The following ABCC3 variants were observed in gnomAD, a reference collection of about 807,000 sequenced individuals.
The protein encoded by ABCC3 is ATP binding cassette subfamily C member 3.
In ABCC3, 121 loss-of-function variants were observed where a neutral mutation model predicts 165.3. That is an observed-to-expected ratio of 0.73 (90% CI 0.63 to 0.85). The LOEUF is 0.85. ABCC3 is among the 40% of genes least tolerant of loss of function. The pLI, the probability that ABCC3 is intolerant of heterozygous loss-of-function variation, is 0.00. For synonymous variants in ABCC3, 733 were observed against 810.1 expected (o/e 0.90, Z 1.62); for missense variants, 1,869 against 1,964.1 (o/e 0.95, Z 0.92).
intron 30 of ABCC3, among the ~76,000 whole-genome samples, chr17:50,687,995 C>CCTA (rs1968054885): frequency 6.6e-6 from 1 of 151,338 alleles, no homozygotes; most frequent in Non-Finnish European, 1.5e-5. Context: ...TGCTCTGTTG[C>CCTA]CTAGGCTGGA....
chr17:50,659,104 T>G (rs936578453), intron 6 of ABCC3, 133 bp from the exon 7 acceptor site: 2 of 1,102,362 alleles, frequency 1.8e-6, no homozygotes, highest in African/African-American at 1.6e-5. Flanking sequence ...GGAGACACCT[T>G]TCATGGTCAC....
chr17:50,634,919 C>G lies in ABCC3; in HGVS notation c.-18C>G. ...GGTCCGACCGCGCTCGCCTTCCTTGCAGCCGCGCCTCGGCCCCATGGACGC... is the reference window on the plus strand; with the variant it reads ...GGTCCGACCGCGCTCGCCTTCCTTGGAGCCGCGCCTCGGCCCCATGGACGC... On this transcript the variant is annotated 5_prime_UTR_variant, in exon 1 of 31. Transcript: ENST00000285238. The G allele has an allele frequency of 1.6e-6, 2 of 1,254,280 alleles. No homozygotes were observed. Among genetic ancestry groups the G allele is most frequent in the Non-Finnish European group, 2.0e-6 (2 of 998,194 alleles). 77.7% of individuals were successfully genotyped at this position (1,254,280 alleles called of 1,614,324 possible).
At position 50,667,704 on chromosome 17, in the gene ABCC3, G is replaced by A. The variant is rs751694753; in HGVS notation, c.1582G>A (p.Ala528Thr). The A allele has an allele frequency of 6.2e-7, 1 of 1,614,100 alleles. No individual in the cohort carries two copies. The highest frequency in any genetic ancestry group is 1.1e-5 in the South Asian group (1 of 91,084). Residue 528 changes from alanine to threonine, a missense_variant, in exon 12 of 31, where the codon GCG (alanine) becomes ACG (threonine). Ala to Thr is a moderately conservative substitution (Grantham distance 58, BLOSUM62 0). Transcript: ENST00000285238. ...GGGTGAGCTCCAGCTGCTGCGCACGGCGGCCTACCTCCACACCACAACCAC... is the reference window on the plus strand; with the variant it reads ...GGGTGAGCTCCAGCTGCTGCGCACGACGGCCTACCTCCACACCACAACCAC... ...RQGELQLLRT[A>T]AYLHTTTTFT...
At chr17:50,635,045 C>T (rs947772121) in intron 1 of ABCC3, 64 bp downstream of exon 1, 8 of 1,243,610 alleles carry the variant, frequency 6.4e-6, no homozygotes, top group African/African-American at 1.6e-5. Context: ...GCCCGGTCCC[C>T]GCCGCCTGCC....
intron 4 of ABCC3, 72 bp from the exon 5 acceptor site, chr17:50,658,010 G>A (rs1967290439): frequency 6.2e-7 from 1 of 1,606,564 alleles, no homozygotes. Context: ...TGCCCCAAGG[G>A]ACTCCGCAGG....
At chr17:50,663,568 G>C (rs1201424241) in intron 8 of ABCC3, 113 bp from the exon 9 acceptor site, 15 of 1,293,460 alleles carry the variant, frequency 1.2e-5, no homozygotes, top group Non-Finnish European at 1.4e-5. Context: ...AGGGGGTGGA[G>C]GTTTCAGAGG....
intron 28 of ABCC3, 109 bp downstream of exon 28, chr17:50,684,216 G>A: frequency 2.1e-6 from 3 of 1,413,030 alleles, no homozygotes; most frequent in Non-Finnish European, 2.8e-6. Context: ...CAGAGGCTTG[G>A]GCAGGTGGGG....
chr17:50,645,394 A>T (rs948571944), intron 1 of ABCC3, among the ~76,000 whole-genome samples: 4 of 150,740 alleles, frequency 2.7e-5, no homozygotes, highest in African/African-American at 9.8e-5. Context: ...AAAAAAAAAA[A>T]AAAAAGATGG....
rs373502746 is a variant in ABCC3, at chr17:50,678,127, T to G, written c.3613T>G (p.Cys1205Gly). Residue 1205 changes from cysteine (C) to glycine (G), a missense_variant, in exon 25 of 31, where the codon TGC (cysteine) becomes GGC (glycine). By Grantham distance (159) the Cys-to-Gly change is radical. Coordinates refer to ENST00000285238, the MANE Select transcript of ABCC3 (RefSeq NM_003786.4). ...CATCGGAGTGGAGTTCGTGGGGAACTGCGTGGTGCTCTTTGCTGCACTATT... is the reference window on the plus strand; with the variant it reads ...CATCGGAGTGGAGTTCGTGGGGAACGGCGTGGTGCTCTTTGCTGCACTATT... ...LSIGVEFVGNCVVLFAALFAV... is the reference protein window; with the variant it reads ...LSIGVEFVGNGVVLFAALFAV... 1 of 1,584,212 alleles carries G rather than the reference T, an allele frequency of 6.3e-7. No homozygotes were observed. The highest frequency in any genetic ancestry group is 8.6e-7 in the Non-Finnish European group (1 of 1,164,850).
rs768693791 is a variant in ABCC3 at position 50,668,504 on chromosome 17, G to A, written c.1857G>A (p.Lys619=). The change falls in exon 14 of 31, where the codon AAG becomes AAA. Residue 619 remains lysine (K), a synonymous_variant. Coordinates refer to ENST00000285238, the MANE Select transcript of ABCC3 (RefSeq NM_003786.4). ...TTGACCCCCAGAGTGTGGAAAGAAA[G>A]ACCATCTCCCCAGGTCTAGAGAGCC... is the stretch of plus-strand genomic sequence containing the variant. ...EELDPQSVER[K]TISPGYAITI... is the part of the protein sequence containing the mutation. 1.4e-5 allele frequency: 22 copies of A among 1,613,804 alleles called. No individual in the cohort carries two copies. Among genetic ancestry groups the A allele is most frequent in the African/African-American group, 2.7e-5 (2 of 74,870 alleles).
rs544277224 is a variant in ABCC3 at position 50,635,876 on chromosome 17, C to T, written c.45+895C>T. On this transcript the variant is annotated intron_variant, in intron 1 of 30. Transcript: ENST00000285238. ...GTGGCCTGGGCGAAAGAGTGAGACC[C>T]TGTCTCTAAAAAAATAAATAAATAA... 7 of 346,722 alleles carry T rather than the reference C, an allele frequency of 2.0e-5. No homozygotes were observed. The East Asian group carries it at 2.9e-4, about 14-fold the overall frequency. 21.5% of individuals were successfully genotyped at this position (346,722 alleles called of 1,614,324 possible).
At position 50,673,568 on chromosome 17, in the gene ABCC3, G is replaced by A. The variant is rs1159971993; in HGVS notation, c.2509G>A (p.Ala837Thr). Residue 837 changes from alanine to threonine, a missense_variant, in exon 19 of 31, where the codon GCC becomes ACC. Transcript: ENST00000285238. ...GQVSEMGPYP[A>T]LLQRNGSFAN... The stretch of plus-strand genomic sequence containing the variant: ...GGTGTCTGAGATGGGCCCGTACCCA[G>A]CCCTGCTGCAGCGCAACGGCTCCTT... 21 of 1,614,086 alleles carry A rather than the reference G, an allele frequency of 1.3e-5. No homozygotes were observed. The highest frequency in any genetic ancestry group is 1.6e-5 in the Non-Finnish European group (19 of 1,180,040).
Position 50,661,154 on chromosome 17 carries a change from C to T in ABCC3, c.998+40C>T, listed in dbSNP as rs1422254517. 12 of 1,526,838 alleles carry T rather than the reference C, an allele frequency of 7.9e-6. No homozygotes were observed. In the East Asian group the frequency reaches 2.8e-4, roughly 35 times the overall value. The allele number at this position is 1,526,838 out of a possible 1,614,324, so 94.6% of individuals were successfully genotyped here. On this transcript the variant is annotated intron_variant, in intron 8 of 30. Transcript: ENST00000285238. ...CGGCTCACTATAGCCCTGCCCTGGG[C>T]AGCAGGGCTGGCTGGCTAGCCCAGA...
intron 26 of ABCC3, among the ~76,000 whole-genome samples, chr17:50,683,406 A>G (rs976653539): frequency 6.0e-5 from 9 of 150,828 alleles, no homozygotes; most frequent in Non-Finnish European, 1.2e-4. Context: ...GGGGAAGGAC[A>G]GGGGAGTGTT....
chr17:50,656,919 G>T, intron 3 of ABCC3, 92 bp downstream of exon 3: 1 of 1,548,786 alleles, frequency 6.5e-7, no homozygotes, highest in South Asian at 1.3e-5. Flanking sequence ...GGAGAGGGCT[G>T]GACATATTGG....
chr17:50,675,658 G>T lies in ABCC3; in HGVS notation c.2742G>T (p.Gly914=), dbSNP rs35458882. Residue 914 remains glycine (G), a synonymous_variant, in exon 21 of 31, where the codon GGG becomes GGT. Coordinates refer to ENST00000285238, the MANE Select transcript of ABCC3 (RefSeq NM_003786.4). ...AGCTGAGTGCCCTGTCCTCAGATGG[G>T]GAGGGACAGGGTCGGCCTGTACCCC... ...MRQLSALSSD[G]EGQGRPVPRR... The T allele has an allele frequency of 3.9e-4, 607 of 1,572,556 alleles. No homozygotes were observed. Among genetic ancestry groups the T allele is most frequent in the Middle Eastern group, 9.0e-4 (5 of 5,552 alleles).
chr17:50,677,987 C>T (rs949073922), intron 24 of ABCC3, 44 bp downstream of exon 24: 27 of 1,613,868 alleles, frequency 1.7e-5, no homozygotes, highest in Non-Finnish European at 1.6e-5. Flanking sequence ...CAGGAATTCC[C>T]AGCAGGCTCT....
chr17:50,683,903 T>C, intron 27 of ABCC3, 46 bp from the exon 28 acceptor site: 1 of 1,600,398 alleles, frequency 6.2e-7, no homozygotes, highest in Non-Finnish European at 8.5e-7. Context: ...GATGCGCCTT[T>C]GACCTCTCAG....
In ABCC3 at chr17:50,658,466, T is replaced by C; in HGVS notation, c.644T>C (p.Leu215Pro). The change falls in exon 6 of 31, where the codon CTC (leucine) becomes CCC (proline). Residue 215 changes from leucine to proline, a missense_variant. Coordinates refer to ENST00000285238, the MANE Select transcript of ABCC3 (RefSeq NM_003786.4). ...TACCCTGAGACCAGCGCTGGCTTTC[T>C]CTCCCGCCTGTTTTTCTGGTGGTTC... is the stretch of plus-strand genomic sequence containing the variant. Reference protein sequence around the residue: ...NPYPETSAGFLSRLFFWWFTK... With the variant: ...NPYPETSAGFPSRLFFWWFTK... 1 of 1,614,118 alleles carries C rather than the reference T, an allele frequency of 6.2e-7. No homozygotes were observed. Among genetic ancestry groups the C allele is most frequent in the African/African-American group, 1.3e-5 (1 of 75,024 alleles).
Sources: allele counts gnomAD v4.1 joint callset (sites outside exome capture counted in the v4.1 genomes callset), GRCh38; gene constraint gnomAD v4.1.1; transcripts MANE v1.5; gene names NCBI Gene and HGNC (gene_info 2026-07-23, HGNC 2026-07-21).